Variants in WWP2 observed in about 807,000 individuals in gnomAD.
WWP2 encodes WW domain containing E3 ubiquitin protein ligase 2, also known as NEDD4-like E3 ubiquitin-protein ligase WWP2.
In WWP2, 57 loss-of-function variants were observed where a neutral mutation model predicts 121.0. The observed-to-expected ratio is 0.47, with a 90% CI of 0.38 to 0.59. WWP2 has a LOEUF of 0.59. Ranked by LOEUF, WWP2 falls within the 20% of genes least tolerant of loss-of-function variation. The pLI is 0.00. For missense variants in WWP2, 962 were observed against 1,158.9 expected (o/e 0.83, Z 2.47); for synonymous variants, 449 against 441.3 (o/e 1.02, Z -0.22).
At chr16:69,845,465 A>G (rs540731828) in intron 6 of WWP2, among the ~76,000 whole-genome samples, 1 of 152,236 alleles carries the variant, frequency 6.6e-6, no homozygotes, top group Non-Finnish European at 1.5e-5. Context: ...CTCCCAGACT[A>G]AATATTTAGC....
intron 7 of WWP2, among the ~76,000 whole-genome samples, chr16:69,880,840 T>G (rs532803173): frequency 6.6e-6 from 1 of 152,322 alleles, no homozygotes; most frequent in East Asian, 1.9e-4. Flanking sequence ...GGTGCTGGCT[T>G]TCTACGTGCC....
chr16:69,923,828 A>G lies in WWP2; in HGVS notation c.1180-1602A>G, dbSNP rs1369398903. 2.0e-5 allele frequency among the ~76,000 whole-genome samples: 3 copies of G among 152,300 alleles called. No homozygotes were observed. The East Asian group carries it at 5.8e-4, about 29-fold the overall frequency. ...ATTTGTTCCTTTGCCTCTGTTGCCG[A>G]ATGTTTTTAATGTGTTAACTACAAA... On this transcript the variant is annotated intron_variant, in intron 10 of 23. Transcript: ENST00000359154.
intron 2 of WWP2, among the ~76,000 whole-genome samples, chr16:69,789,743 T>TA (rs753723242): frequency 2.0e-5 from 3 of 152,228 alleles, no homozygotes; most frequent in East Asian, 1.9e-4. Flanking sequence ...TGTCAGACTT[T>TA]TAACTTTTGC....
chr16:69,915,152 C>T (rs754009689), intron 9 of WWP2, among the ~76,000 whole-genome samples: 37 of 152,204 alleles, frequency 2.4e-4, no homozygotes, highest in Admixed American at 2.0e-4. Flanking sequence ...TCTGGGGATG[C>T]ATCAGTGATA....
At chr16:69,887,752 C>T (rs965813176) in intron 7 of WWP2, among the ~76,000 whole-genome samples, 1 of 152,066 alleles carries the variant, frequency 6.6e-6, no homozygotes, top group Non-Finnish European at 1.5e-5. Flanking sequence ...TCTTTTGTTG[C>T]AATAAATGTA....
In WWP2 at chr16:69,840,272, C is replaced by CAGAGGA. The variant is rs1567696765; in HGVS notation, c.478+9_478+10insAGAGGA. On this transcript the variant is annotated intron_variant, in intron 5 of 23. Transcript: ENST00000359154. ...CAGTGCCCTGACAGATGGTGAGTGCCGCCCTGCTCCTCAGGACTGTGCCGG... is the reference window on the plus strand; with the variant it reads ...CAGTGCCCTGACAGATGGTGAGTGCCAGAGGAGCCCTGCTCCTCAGGACTGTGCCGG... 6.2e-7 allele frequency: 1 copy of CAGAGGA among 1,613,584 alleles called. No individual in the cohort carries two copies. The highest frequency in any genetic ancestry group is 8.5e-7 in the Non-Finnish European group (1 of 1,179,874).
intron 11 of WWP2, among the ~76,000 whole-genome samples, chr16:69,928,990 C>G (rs1312052106): frequency 6.6e-6 from 1 of 152,172 alleles, no homozygotes; most frequent in African/African-American, 2.4e-5. Flanking sequence ...GGACCACGCC[C>G]TGTAGGACAG....
intron 7 of WWP2, among the ~76,000 whole-genome samples, chr16:69,872,427 A>G (rs2057658206): frequency 6.6e-6 from 1 of 152,148 alleles, no homozygotes; most frequent in African/African-American, 2.4e-5. Context: ...CGTGTTAGCC[A>G]GGATGGTCTT....
chr16:69,804,027 G>A (rs1037792551), intron 4 of WWP2, among the ~76,000 whole-genome samples: 3 of 152,098 alleles, frequency 2.0e-5, no homozygotes, highest in African/African-American at 7.2e-5. Context: ...CCCTATTAAT[G>A]TCCTTTGCTC....
chr16:69,889,937 A>G (rs904105781), intron 8 of WWP2, among the ~76,000 whole-genome samples: 3 of 151,918 alleles, frequency 2.0e-5, no homozygotes, highest in South Asian at 2.1e-4. Context: ...TCTTTATTCT[A>G]TTATTAAGCC....
chr16:69,866,794 A>G (rs1285275429), intron 6 of WWP2, among the ~76,000 whole-genome samples: 1 of 149,326 alleles, frequency 6.7e-6, no homozygotes. Context: ...TCTTGCTTTC[A>G]GTTCCGTATT....
rs758026411 is a variant in WWP2, at chr16:69,939,886, G to T, written c.2559G>T (p.Leu853=). ...CACCCTACAAGAGCTACGAACAGCTGAGAGAGAAGCTGCTGTATGCCATTG... is the reference window on the plus strand; with the variant it reads ...CACCCTACAAGAGCTACGAACAGCTTAGAGAGAAGCTGCTGTATGCCATTG... The part of the protein sequence containing the change: ...DLPPYKSYEQ[L]REKLLYAIEE... Residue 853 remains leucine (L), a synonymous_variant, in exon 24 of 24, where the codon CTG becomes CTT. Transcript: ENST00000359154. 1.0e-4 allele frequency: 168 copies of T among 1,613,968 alleles called. No homozygotes were observed. Among genetic ancestry groups the T allele is most frequent in the Non-Finnish European group, 1.4e-4 (167 of 1,179,930 alleles).
intron 16 of WWP2, chr16:69,933,051 G>A (rs753688057): frequency 1.6e-5 from 8 of 489,192 alleles, no homozygotes; most frequent in African/African-American, 5.8e-5. Flanking sequence ...GGCTCTGCTT[G>A]GTGGGCTTCT....
At chr16:69,909,651 A>T in intron 9 of WWP2, 1 of 985,402 alleles carries the variant, frequency 1.0e-6, no homozygotes, top group Non-Finnish European at 1.2e-6. Flanking sequence ...TGTGTTTTCC[A>T]CTTTGACTTG....
chr16:69,798,998 G>T, intron 3 of WWP2, 169 bp downstream of exon 3: 1 of 1,324,080 alleles, frequency 7.6e-7, no homozygotes, highest in East Asian at 2.3e-5. Flanking sequence ...CTCATAGAGC[G>T]TTCATTATTA....
At chr16:69,776,597 AGGTG>A (rs2055532822) in intron 1 of WWP2, among the ~76,000 whole-genome samples, 1 of 152,210 alleles carries the variant, frequency 6.6e-6, no homozygotes, top group South Asian at 2.1e-4. Context: ...TGGGAGGCCA[AGGTG>A]GGCGGATCAC....
At chr16:69,879,800 G>A (rs1415993275) in intron 7 of WWP2, among the ~76,000 whole-genome samples, 3 of 152,152 alleles carry the variant, frequency 2.0e-5, no homozygotes, top group South Asian at 4.1e-4. Context: ...CATGACGTGT[G>A]TAGCTGCAAA....
intron 8 of WWP2, among the ~76,000 whole-genome samples, chr16:69,897,672 G>T (rs986753383): frequency 1.3e-5 from 2 of 152,094 alleles, no homozygotes; most frequent in Non-Finnish European, 2.9e-5. Flanking sequence ...CACTTTGGGA[G>T]GCCGAGCTGG....
chr16:69,800,718 C>A (rs2056145833), intron 4 of WWP2, among the ~76,000 whole-genome samples: 1 of 151,462 alleles, frequency 6.6e-6, no homozygotes, highest in Non-Finnish European at 1.5e-5. Context: ...GCATGTGCCA[C>A]CATTCCCAGC....
Sources: allele counts gnomAD v4.1 joint callset (sites outside exome capture counted in the v4.1 genomes callset), GRCh38; gene constraint gnomAD v4.1.1; transcripts MANE v1.5; gene names NCBI Gene and HGNC (gene_info 2026-07-23, HGNC 2026-07-21).